RALGPS2: variants seen among roughly 807,000 people sequenced by gnomAD.
RALGPS2 encodes the protein Ral GEF with PH domain and SH3 binding motif 2.
In RALGPS2, 43 loss-of-function variants were observed where a neutral mutation model predicts 86.8. That is an observed-to-expected ratio of 0.50 (90% confidence interval 0.39 to 0.64). The LOEUF is 0.64. Ranked by LOEUF, RALGPS2 falls within the 30% of genes least tolerant of loss-of-function variation. The probability of loss-of-function intolerance (pLI) is 0.00; values close to 1 mark genes in which losing one functional copy is unlikely to be tolerated. For missense variants in RALGPS2, 536 were observed against 694.6 expected, an observed-to-expected ratio of 0.77 and a Z score of 2.57; for synonymous variants, 243 against 231.3, an observed-to-expected ratio of 1.05 and a Z score of -0.46.
At chr1:178,849,553 A>AC (rs1184604957) in intron 8 of RALGPS2, among the ~76,000 whole-genome samples, 2 of 152,238 alleles carry the variant, frequency 1.3e-5, no homozygotes, top group Non-Finnish European at 2.9e-5. Context: ...AAGCCTTGGT[A>AC]AAGTTTTATT....
Position 178,807,397 on chromosome 1 carries a change from T to C in RALGPS2, c.214-648T>C, listed in dbSNP as rs560996838. Among the ~76,000 whole-genome samples the C allele has an allele frequency of 2.6e-5, 4 of 152,300 alleles. No individual in the cohort carries two copies. The East Asian group carries it at 7.7e-4, about 29-fold the overall frequency. ...ATGAGTGTAAATGATATTTTTAAGG[T>C]ATCTGCATCAACTGTAATGTGATAT... On this transcript the variant is annotated intron_variant, in intron 4 of 19. Transcript: ENST00000367635.
chr1:178,911,720 G>T (rs935802579), intron 19 of RALGPS2, among the ~76,000 whole-genome samples: 6 of 152,196 alleles, frequency 3.9e-5, no homozygotes, highest in Admixed American at 3.3e-4. Context: ...GTAGATGTCT[G>T]TTGGGTCTAG....
At chr1:178,903,483 C>A (rs1467000186) in intron 18 of RALGPS2, among the ~76,000 whole-genome samples, 1 of 152,032 alleles carries the variant, frequency 6.6e-6, no homozygotes, top group African/African-American at 2.4e-5. Flanking sequence ...TGTTTGTAGT[C>A]TTTTTACCCT....
intron 10 of RALGPS2, among the ~76,000 whole-genome samples, chr1:178,881,157 T>G (rs1260574826): frequency 6.6e-6 from 1 of 152,096 alleles, no homozygotes; most frequent in African/African-American, 2.4e-5. Context: ...ATAAAACATT[T>G]CAAACAGAAC....
intron 18 of RALGPS2, among the ~76,000 whole-genome samples, chr1:178,902,960 A>T (rs781629959): frequency 6.6e-6 from 1 of 152,174 alleles, no homozygotes. Flanking sequence ...TAAAGTAGAT[A>T]TGAGAAATTG....
intron 8 of RALGPS2, among the ~76,000 whole-genome samples, chr1:178,871,655 C>T (rs752923236): frequency 1.3e-5 from 2 of 152,194 alleles, no homozygotes; most frequent in African/African-American, 4.8e-5. Context: ...GAAATTCTTT[C>T]AGATGCTTAA....
At chr1:178,784,137 A>G (rs1224328920) in intron 2 of RALGPS2, among the ~76,000 whole-genome samples, 2 of 152,142 alleles carry the variant, frequency 1.3e-5, no homozygotes, top group Non-Finnish European at 2.9e-5. Flanking sequence ...AGTTAAAATC[A>G]TTTATTTCTA....
intron 1 of RALGPS2, among the ~76,000 whole-genome samples, chr1:178,759,714 C>T (rs965105887): frequency 6.6e-6 from 1 of 151,538 alleles, no homozygotes; most frequent in South Asian, 2.1e-4. Flanking sequence ...TCTTTGAGTC[C>T]GTTAATATGC....
rs1368322701 is a variant in RALGPS2 at position 178,920,801 on chromosome 1, C to CTGAAA, written c.*4444_*4448dup. On this transcript the variant is annotated 3_prime_UTR_variant, in exon 20 of 20. Transcript: ENST00000367635. ...AAATATTTGAGTTTTGTTAAATGTA[C>CTGAAA]TGAAATCTTGTAATGAAAATCCCTT... The CTGAAA allele has an allele frequency of 1.3e-5, 2 of 151,978 alleles. No homozygotes were observed. Among genetic ancestry groups the CTGAAA allele is most frequent in the African/African-American group, 4.8e-5 (2 of 41,428 alleles). 9.4% of individuals were successfully genotyped at this position (151,978 alleles called of 1,614,324 possible). A position where few individuals can be genotyped will look rare whatever the true frequency, so the allele number is the denominator to read the frequency against.
chr1:178,886,122 T>G lies in RALGPS2; in HGVS notation c.1192+2T>G, dbSNP rs773449305. The G allele has an allele frequency of 6.2e-7, 1 of 1,606,934 alleles. No individual in the cohort carries two copies. Among genetic ancestry groups the G allele is most frequent in the Non-Finnish European group, 8.5e-7 (1 of 1,178,026 alleles). On this transcript the variant is annotated splice_donor_variant, in intron 13 of 19. Coordinates refer to ENST00000367635, the MANE Select transcript of RALGPS2 (RefSeq NM_152663.5). LOFTEE classifies it high-confidence loss of function. ...CTCTTTCTAGTGGAATATCAATAGG[T>G]GAGAAATACTTCTCTGAGAGGGTTG...
intron 4 of RALGPS2, among the ~76,000 whole-genome samples, chr1:178,806,142 T>A (rs1192877752): frequency 6.6e-6 from 1 of 152,090 alleles, no homozygotes; most frequent in Non-Finnish European, 1.5e-5. Flanking sequence ...TCTTCCTTTT[T>A]CTTTGTTTGC....
In RALGPS2 at chr1:178,729,560, C is replaced by T. The variant is rs573560137; in HGVS notation, c.-84+4141C>T. Among the ~76,000 whole-genome samples, 531 of 152,276 alleles carry T rather than the reference C, an allele frequency of 3.5e-3. 1 individual carries two copies. Among genetic ancestry groups the T allele is most frequent in the Non-Finnish European group, 5.7e-3 (389 of 68,014 alleles). On this transcript the variant is annotated intron_variant, in intron 1 of 19. Transcript: ENST00000367635. ...AGAAAATTGTACTACAAGGGTTATA[C>T]AGGTTGAGCATCCCAAATCTGAAAA...
chr1:178,733,336 T>C (rs985142665), intron 1 of RALGPS2, among the ~76,000 whole-genome samples: 1 of 152,254 alleles, frequency 6.6e-6, no homozygotes, highest in Admixed American at 6.5e-5. Flanking sequence ...AGAGGACTTA[T>C]ATATAGAGTA....
intron 8 of RALGPS2, chr1:178,851,264 A>G: frequency 6.2e-7 from 1 of 1,613,842 alleles, no homozygotes; most frequent in Non-Finnish European, 8.5e-7. Flanking sequence ...TTAGGTTAGA[A>G]TGTGCACAGG....
intron 15 of RALGPS2, among the ~76,000 whole-genome samples, chr1:178,893,629 AATTTAAT>A (rs769376431): frequency 2.6e-5 from 4 of 151,916 alleles, no homozygotes; most frequent in Non-Finnish European, 5.9e-5. Context: ...TTAAATTTTT[AATTTAAT>A]ATTTACTAAA....
chr1:178,737,764 G>A (rs771591423), intron 1 of RALGPS2, among the ~76,000 whole-genome samples: 24 of 152,120 alleles, frequency 1.6e-4, no homozygotes, highest in African/African-American at 5.3e-4. Context: ...TTGTCAAAAA[G>A]TTAAATGACA....
chr1:178,839,264 A>C (rs1420318789), intron 8 of RALGPS2, among the ~76,000 whole-genome samples: 4 of 152,202 alleles, frequency 2.6e-5, no homozygotes, highest in African/African-American at 9.7e-5. Flanking sequence ...GCCAGAGAGA[A>C]AGGTCAGGTT....
At chr1:178,791,287 A>AT (rs563179993) in intron 4 of RALGPS2, among the ~76,000 whole-genome samples, 26,184 of 128,260 alleles carry the variant, frequency 0.2, 2,889 homozygotes, top group East Asian at 0.43. Flanking sequence ...CACCTGCCTA[A>AT]TTTTTTTTTT....
At chr1:178,793,697 C>A (rs1440221915) in intron 4 of RALGPS2, among the ~76,000 whole-genome samples, 2 of 152,146 alleles carry the variant, frequency 1.3e-5, no homozygotes, top group Admixed American at 6.5e-5. Context: ...AATACCTTCT[C>A]ACCTGTTTAC....
Sources: gnomAD v4.1 joint callset for allele counts (sites outside exome capture counted in the v4.1 genomes callset) on GRCh38, gnomAD v4.1.1 for gene constraint, MANE v1.5 for transcripts, NCBI Gene and HGNC (gene_info 2026-07-23, HGNC 2026-07-21) for gene names.